ABCB4: variants seen among roughly 807,000 people sequenced by gnomAD.
ABCB4 encodes phosphatidylcholine translocator ABCB4.
ABCB4 carries 76 observed loss-of-function variants against 145.7 expected under a neutral mutation model. The ratio of observed to expected loss-of-function variants is 0.52; its 90% confidence interval spans 0.43 to 0.63. The LOEUF is 0.63. Ranked by LOEUF, ABCB4 falls within the 30% of genes least tolerant of loss-of-function variation. The pLI, the probability that ABCB4 is intolerant of heterozygous loss-of-function variation, is 0.00. For missense variants in ABCB4, 1,234 were observed against 1,553.1 expected (o/e 0.79, Z 3.45); for synonymous variants, 517 against 566.8 (o/e 0.91, Z 1.25).
intron 22 of ABCB4, among the ~76,000 whole-genome samples, chr7:87,412,604 T>A (rs1808702460): frequency 6.6e-6 from 1 of 152,212 alleles, no homozygotes. Flanking sequence ...ATGCTATACT[T>A]TATTGGCTTC....
chr7:87,457,924 A>G (rs1812205545), intron 4 of ABCB4, among the ~76,000 whole-genome samples: 1 of 152,204 alleles, frequency 6.6e-6, no homozygotes, highest in African/African-American at 2.4e-5. Flanking sequence ...AGAGGTATCC[A>G]TCACCTCAAG....
downstream of ABCB4, among the ~76,000 whole-genome samples, chr7:87,396,854 T>C (rs890339090): frequency 5.9e-5 from 9 of 152,184 alleles, no homozygotes; most frequent in Admixed American, 2.0e-4. Context: ...TGAATTTCAT[T>C]CTTGCTTATT....
Position 87,408,177 on chromosome 7 carries a change from C to A in ABCB4, c.3139G>T (p.Ala1047Ser). 6.2e-7 allele frequency: 1 copy of A among 1,614,180 alleles called. No individual in the cohort carries two copies. The highest frequency in any genetic ancestry group is 8.5e-7 in the Non-Finnish European group (1 of 1,180,014). The change falls in exon 25 of 28, where the codon GCA becomes TCA. Residue 1047 changes from alanine to serine, a missense_variant. Coordinates refer to ENST00000649586, the MANE Select transcript of ABCB4 (RefSeq NM_000443.4). ...NEVVFNYPTR[A>S]NVPVLQGLSL... The stretch of plus-strand genomic sequence containing the variant: ...AGCCCCTGAAGCACTGGCACGTTTG[C>A]TCGGGTGGGATAGTTGAACACGACT...
chr7:87,451,300 A>C (rs989435418), intron 7 of ABCB4, among the ~76,000 whole-genome samples: 2 of 151,968 alleles, frequency 1.3e-5, no homozygotes, highest in Non-Finnish European at 2.9e-5. Flanking sequence ...ACGCAAGGCT[A>C]GTTTTTCATA....
At chr7:87,436,129 G>T (rs544582761) in intron 14 of ABCB4, among the ~76,000 whole-genome samples, 1 of 152,288 alleles carries the variant, frequency 6.6e-6, no homozygotes. Flanking sequence ...GGAAGAGAAT[G>T]ATCAGCTAAA....
chr7:87,452,773 A>G (rs1342534521), intron 6 of ABCB4, 171 bp downstream of exon 6: 3 of 747,690 alleles, frequency 4.0e-6, no homozygotes, highest in Non-Finnish European at 6.6e-6. Context: ...GAAAGCCAAC[A>G]TGCAATGGCA....
chr7:87,426,689 T>A, intron 16 of ABCB4, 61 bp downstream of exon 16: 1 of 1,540,336 alleles, frequency 6.5e-7, no homozygotes, highest in South Asian at 1.1e-5. Flanking sequence ...AGGCTAAGAA[T>A]TTCAATAATT....
At chr7:87,452,854 G>A (rs1811839165) in intron 6 of ABCB4, 90 bp downstream of exon 6, 1 of 1,414,124 alleles carries the variant, frequency 7.1e-7, no homozygotes, top group South Asian at 1.2e-5. Context: ...GCTCAATCTA[G>A]TAACATTTTT....
At chr7:87,383,152 A>G in the ABCB4 span, among the ~76,000 whole-genome samples, 1 of 152,114 alleles carries the variant, frequency 6.6e-6, no homozygotes, top group East Asian at 1.9e-4. Context: ...TTTGAAATAT[A>G]CAACAAATTA....
intron 21 of ABCB4, among the ~76,000 whole-genome samples, chr7:87,416,641 G>C (rs962767166): frequency 1.2e-4 from 19 of 152,268 alleles, no homozygotes; most frequent in Non-Finnish European, 1.0e-4. Flanking sequence ...AGAGGTAAGA[G>C]CTTTGAAACT....
chr7:87,399,273 G>A (rs1291813511), downstream of ABCB4: 1 of 152,716 alleles, frequency 6.5e-6, no homozygotes, highest in Non-Finnish European at 1.5e-5. Flanking sequence ...CTAGGAGTTT[G>A]AGACCAGCCT....
intron 21 of ABCB4, 30 bp downstream of exon 21, chr7:87,417,275 CAACACTT>C: frequency 6.3e-7 from 1 of 1,594,032 alleles, no homozygotes; most frequent in Non-Finnish European, 8.6e-7. Context: ...TGTCTAAAAA[CAACACTT>C]AACACCAATT....
chr7:87,396,990 C>T (rs1024981447), downstream of ABCB4, among the ~76,000 whole-genome samples: 21 of 152,128 alleles, frequency 1.4e-4, no homozygotes, highest in African/African-American at 5.1e-4. Context: ...TCCATCATTA[C>T]AAATAATGTA....
At chr7:87,460,281 T>C (rs554044044) in intron 4 of ABCB4, among the ~76,000 whole-genome samples, 24 of 152,308 alleles carry the variant, frequency 1.6e-4, no homozygotes, top group African/African-American at 5.8e-4. Context: ...TTCTTTTCTT[T>C]TTAAAATAAT....
the ABCB4 span, among the ~76,000 whole-genome samples, chr7:87,369,110 A>G: frequency 1.3e-5 from 2 of 152,270 alleles, no homozygotes; most frequent in Non-Finnish European, 2.9e-5. Flanking sequence ...AAAGGTCTGT[A>G]GTAGTTTGGG....
intron 27 of ABCB4, 82 bp from the exon 28 acceptor site, chr7:87,402,384 C>G (rs1453633470): frequency 1.3e-6 from 2 of 1,506,518 alleles, no homozygotes; most frequent in African/African-American, 1.4e-5. Context: ...AAAATGTTAC[C>G]TTTCTAATCA....
At chr7:87,389,610 C>T in the ABCB4 span, among the ~76,000 whole-genome samples, 4 of 135,744 alleles carry the variant, frequency 2.9e-5, no homozygotes, top group Admixed American at 7.5e-5. Context: ...CATCACACAC[C>T]GGGGGCTGTC....
chr7:87,470,064 A>G (rs1343833332), intron 3 of ABCB4, among the ~76,000 whole-genome samples: 2 of 152,178 alleles, frequency 1.3e-5, no homozygotes, highest in African/African-American at 2.4e-5. Context: ...AAATAATACC[A>G]TACATCTACA....
intron 19 of ABCB4, among the ~76,000 whole-genome samples, chr7:87,418,991 C>T (rs2116481118): frequency 6.6e-6 from 1 of 152,298 alleles, no homozygotes; most frequent in South Asian, 2.1e-4. Flanking sequence ...GGTGGTGGAG[C>T]TGTCTTGGAC....
Sources: allele counts gnomAD v4.1 joint callset (sites outside exome capture counted in the v4.1 genomes callset), GRCh38; gene constraint gnomAD v4.1.1; transcripts MANE v1.5; gene names NCBI Gene and HGNC (gene_info 2026-07-23, HGNC 2026-07-21).